Variants in ENOX1 observed in about 807,000 individuals in gnomAD.
ENOX1 encodes candidate growth-related and time keeping constitutive hydroquinone (NADH) oxidase.
ENOX1 carries 42 observed loss-of-function variants against 82.5 expected under a neutral mutation model. That is an observed-to-expected ratio of 0.51 (90% CI 0.40 to 0.66). ENOX1 has a LOEUF of 0.66. Among genes scored for constraint, ENOX1 ranks in the 30% least tolerant of loss-of-function variants. The pLI is 0.00. For synonymous variants in ENOX1, 271 were observed against 282.2 expected (o/e 0.96, Z 0.40); for missense variants, 608 against 811.6 (o/e 0.75, Z 3.05).
At chr13:43,433,189 T>C (rs556800931) in intron 3 of ENOX1, among the ~76,000 whole-genome samples, 21 of 152,224 alleles carry the variant, frequency 1.4e-4, no homozygotes, top group South Asian at 8.3e-4. Context: ...TGCTGCATCA[T>C]AGCATGGCAG....
intron 14 of ENOX1, among the ~76,000 whole-genome samples, chr13:43,238,712 G>T (rs1447664809): frequency 2.6e-5 from 4 of 152,140 alleles, no homozygotes; most frequent in Non-Finnish European, 5.9e-5. Flanking sequence ...AATGAACCCT[G>T]GAGCTGAGTG....
chr13:43,484,981 T>C (rs2076364310), intron 2 of ENOX1, among the ~76,000 whole-genome samples: 1 of 152,230 alleles, frequency 6.6e-6, no homozygotes, highest in Admixed American at 6.5e-5. Flanking sequence ...ACTTCTCATC[T>C]TCCTCTGGCC....
Position 43,550,395 on chromosome 13 carries a change from C to T in ENOX1, c.-218-66243G>A, listed in dbSNP as rs1209659048. Among the ~76,000 whole-genome samples, 3 of 152,316 alleles carry T rather than the reference C, an allele frequency of 2.0e-5. No homozygotes were observed. The East Asian group carries it at 5.8e-4, about 29-fold the overall frequency. ...TCAACACGGTGTCTTCCTCCAGTGT[C>T]CATCAGCAGTTGGGTGTCATACTGG... is the stretch of plus-strand genomic sequence containing the variant. On this transcript the variant is annotated intron_variant, in intron 2 of 16. Coordinates refer to ENST00000690772, the MANE Select transcript of ENOX1 (RefSeq NM_001347969.2).
At chr13:43,545,411 T>C (rs1241803455) in intron 2 of ENOX1, 1 of 152,234 alleles carries the variant, frequency 6.6e-6, no homozygotes, top group African/African-American at 2.4e-5. Flanking sequence ...AATCATCTTT[T>C]TGTAAAGATT....
chr13:43,598,693 A>G (rs1363518338), intron 2 of ENOX1, among the ~76,000 whole-genome samples: 1 of 152,252 alleles, frequency 6.6e-6, no homozygotes, highest in African/African-American at 2.4e-5. Flanking sequence ...AACAAATATT[A>G]AACTACAGAT....
chr13:43,261,730 A>C (rs2044072096), intron 14 of ENOX1, among the ~76,000 whole-genome samples: 1 of 149,448 alleles, frequency 6.7e-6, no homozygotes, highest in African/African-American at 2.5e-5. Context: ...TCAGTAAACT[A>C]TCACAAGAAC....
chr13:43,705,326 C>G (rs796552998), intron 1 of ENOX1, among the ~76,000 whole-genome samples: 11 of 36,858 alleles, frequency 3.0e-4, no homozygotes, highest in African/African-American at 6.9e-4. Context: ...CTCTCTCTCT[C>G]TCTCTATATA....
At chr13:43,379,490 G>A (rs1348948286) in intron 5 of ENOX1, among the ~76,000 whole-genome samples, 1 of 152,024 alleles carries the variant, frequency 6.6e-6, no homozygotes, top group Non-Finnish European at 1.5e-5. Context: ...AACAGACTCA[G>A]AATGTACTTG....
At chr13:43,434,061 G>C (rs1158715315) in intron 3 of ENOX1, among the ~76,000 whole-genome samples, 2 of 152,304 alleles carry the variant, frequency 1.3e-5, no homozygotes, top group East Asian at 3.9e-4. Flanking sequence ...ACTGGCAGTA[G>C]GGCCTTCCCT....
chr13:43,470,312 A>G (rs1312708782), intron 3 of ENOX1, among the ~76,000 whole-genome samples: 6 of 70,120 alleles, frequency 8.6e-5, no homozygotes, highest in Non-Finnish European at 1.2e-4. Flanking sequence ...ATATACATAT[A>G]TATACACATA....
intron 14 of ENOX1, among the ~76,000 whole-genome samples, chr13:43,254,750 A>G (rs1169862018): frequency 6.6e-6 from 1 of 152,228 alleles, no homozygotes; most frequent in African/African-American, 2.4e-5. Flanking sequence ...AGAGTCTATC[A>G]TGAATAACTA....
intron 1 of ENOX1, among the ~76,000 whole-genome samples, chr13:43,707,506 C>A (rs147888764): frequency 6.6e-6 from 1 of 152,044 alleles, no homozygotes; most frequent in Non-Finnish European, 1.5e-5. Context: ...GAGGCCAAGG[C>A]GGGCGGATCA....
At chr13:43,462,050 C>CACAGACAGTGAGGCAGGTCCCA (rs1184177787) in intron 3 of ENOX1, among the ~76,000 whole-genome samples, 23 of 152,184 alleles carry the variant, frequency 1.5e-4, no homozygotes, top group Non-Finnish European at 2.8e-4. Context: ...ACTCAAGAGA[C>CACAGACAGTGAGGCAGGTCCCA]CTGATCACAC....
At chr13:43,457,451 T>C (rs1034275247) in intron 3 of ENOX1, among the ~76,000 whole-genome samples, 1 of 151,974 alleles carries the variant, frequency 6.6e-6, no homozygotes, top group Non-Finnish European at 1.5e-5. Flanking sequence ...CAATTTGAGG[T>C]AGACGCATAT....
At chr13:43,385,662 C>G (rs1487069756) in intron 5 of ENOX1, among the ~76,000 whole-genome samples, 3 of 151,894 alleles carry the variant, frequency 2.0e-5, no homozygotes, top group Non-Finnish European at 4.4e-5. Context: ...TTTTTCTTCA[C>G]TGGTAAGAAA....
At chr13:43,361,588 T>C (rs1232661054) in intron 5 of ENOX1, 136 bp from the exon 6 acceptor site, 15 of 740,572 alleles carry the variant, frequency 2.0e-5, no homozygotes, top group Non-Finnish European at 3.1e-5. Context: ...GATATAATAT[T>C]ATAGAAAGCT....
At chr13:43,380,623 T>A (rs922004005) in intron 5 of ENOX1, among the ~76,000 whole-genome samples, 1 of 151,508 alleles carries the variant, frequency 6.6e-6, no homozygotes, top group African/African-American at 2.4e-5. Context: ...ATCCAATATA[T>A]CAGATTGGAT....
chr13:43,393,304 A>T (rs934484872), intron 5 of ENOX1, among the ~76,000 whole-genome samples: 2 of 152,188 alleles, frequency 1.3e-5, no homozygotes, highest in African/African-American at 4.8e-5. Context: ...GCTTTTAAGA[A>T]AGGTATTTTT....
intron 12 of ENOX1, among the ~76,000 whole-genome samples, chr13:43,297,896 C>T (rs771071210): frequency 3.8e-4 from 58 of 152,188 alleles, no homozygotes; most frequent in Non-Finnish European, 7.3e-4. Context: ...TGACTAGATC[C>T]TAAGTGTAAT....
Sources: gnomAD v4.1 joint callset for allele counts (sites outside exome capture counted in the v4.1 genomes callset) on GRCh38, gnomAD v4.1.1 for gene constraint, MANE v1.5 for transcripts, NCBI Gene and HGNC (gene_info 2026-07-23, HGNC 2026-07-21) for gene names.